The following TMEM156 variants were observed in gnomAD, a reference collection of about 807,000 sequenced individuals.
TMEM156 encodes the protein transmembrane protein 156.
Under a neutral mutation model 30.5 loss-of-function variants are expected in TMEM156, and 28 were observed. The observed-to-expected ratio is 0.92, with a 90% CI of 0.68 to 1.26. The LOEUF (loss-of-function observed/expected upper bound fraction) is 1.26, where lower values mean the gene tolerates loss of function less well. TMEM156 is among the 50% of genes most tolerant of loss of function. TMEM156 has a pLI of 0.00. For missense variants in TMEM156, 351 were observed against 340.6 expected, an observed-to-expected ratio of 1.03 and a Z score of -0.24; for synonymous variants, 137 against 119.9, an observed-to-expected ratio of 1.14 and a Z score of -0.93.
chr4:39,005,708 G>A (rs1264310100), intron 1 of TMEM156, among the ~76,000 whole-genome samples: 2 of 152,160 alleles, frequency 1.3e-5, no homozygotes, highest in African/African-American at 4.8e-5. Context: ...GCATTTTGCT[G>A]TACGTAAATT....
chr4:38,981,517 G>C (rs1711540984), intron 5 of TMEM156, among the ~76,000 whole-genome samples: 1 of 152,148 alleles, frequency 6.6e-6, no homozygotes, highest in African/African-American at 2.4e-5. Context: ...ATGCAAAAGA[G>C]CAGGAAGGCT....
intron 3 of TMEM156, among the ~76,000 whole-genome samples, chr4:38,991,896 A>G (rs1712492474): frequency 6.6e-6 from 1 of 152,032 alleles, no homozygotes; most frequent in Non-Finnish European, 1.5e-5. Flanking sequence ...TCACTCCTCA[A>G]TCAGAGGGAA....
chr4:39,009,365 G>T (rs1047323030), intron 1 of TMEM156, among the ~76,000 whole-genome samples: 2 of 152,042 alleles, frequency 1.3e-5, no homozygotes, highest in African/African-American at 4.8e-5. Flanking sequence ...CCAAAAAATT[G>T]AGGAGAAAGG....
intron 6 of TMEM156, among the ~76,000 whole-genome samples, chr4:38,969,991 G>A (rs1356252495): frequency 1.3e-5 from 2 of 152,190 alleles, no homozygotes; most frequent in Non-Finnish European, 2.9e-5. Context: ...ACTGTTTTCT[G>A]TAGTGGCTAT....
At chr4:38,985,053 G>A (rs955776445) in intron 5 of TMEM156, among the ~76,000 whole-genome samples, 3 of 151,804 alleles carry the variant, frequency 2.0e-5, no homozygotes, top group African/African-American at 7.3e-5. Flanking sequence ...ATTACGACTT[G>A]AAAACAGAAA....
intron 5 of TMEM156, among the ~76,000 whole-genome samples, chr4:38,977,570 T>C (rs1185565591): frequency 6.6e-6 from 1 of 152,220 alleles, no homozygotes; most frequent in Non-Finnish European, 1.5e-5. Context: ...GGAAATTTTT[T>C]CTGGTTCTAC....
intron 3 of TMEM156, among the ~76,000 whole-genome samples, chr4:38,989,496 G>A (rs1240827701): frequency 1.3e-5 from 2 of 152,232 alleles, no homozygotes; most frequent in Non-Finnish European, 2.9e-5. Flanking sequence ...GTAATAGGCG[G>A]TAAGTACAGT....
At chr4:38,983,807 T>C (rs1186328957) in intron 5 of TMEM156, among the ~76,000 whole-genome samples, 2 of 152,256 alleles carry the variant, frequency 1.3e-5, no homozygotes, top group Non-Finnish European at 2.9e-5. Context: ...ATGCCTTCTT[T>C]AATAAAGTGG....
chr4:39,020,826 G>A (rs1409421220), intron 1 of TMEM156, among the ~76,000 whole-genome samples: 1 of 152,094 alleles, frequency 6.6e-6, no homozygotes, highest in Non-Finnish European at 1.5e-5. Context: ...GGGATTTCAG[G>A]TGTGAGCCAC....
At position 38,994,937 on chromosome 4, in the gene TMEM156, CA is replaced by C. The variant is rs1195711338; in HGVS notation, c.359-940del. Reference sequence around the variant, plus strand: ...TGGGTAACAGAAGGAGACTCAGTCTCAAAAAAAAAAAGAAAAGAACAGAAGT... The same window carrying C: ...TGGGTAACAGAAGGAGACTCAGTCTCAAAAAAAAAAGAAAAGAACAGAAGT... On this transcript the variant is annotated intron_variant, in intron 2 of 6. Coordinates refer to ENST00000381938, the MANE Select transcript of TMEM156 (RefSeq NM_024943.3). Among the ~76,000 whole-genome samples, 163 of 137,450 alleles carry C rather than the reference CA, an allele frequency of 1.2e-3. No homozygotes were observed. In the East Asian group the frequency reaches 0.013, roughly 11 times the overall value. The allele number at this position is 137,450 out of a possible 152,430, so 90.2% of individuals were successfully genotyped here. A position where few individuals can be genotyped will look rare whatever the true frequency, so the allele number is the denominator to read the frequency against.
At chr4:38,976,408 C>T (rs113494681) in intron 5 of TMEM156, among the ~76,000 whole-genome samples, 2,536 of 152,088 alleles carry the variant, frequency 0.017, 29 homozygotes, top group East Asian at 0.063. Flanking sequence ...AGTGGACAGC[C>T]GGGAAGATGC....
chr4:39,019,149 G>C (rs1379093108), intron 1 of TMEM156, among the ~76,000 whole-genome samples: 2 of 151,114 alleles, frequency 1.3e-5, no homozygotes, highest in Non-Finnish European at 2.9e-5. Flanking sequence ...CAATGATTCT[G>C]TAAATTTCTT....
chr4:38,981,691 G>T lies in TMEM156; in HGVS notation c.823+4645C>A, dbSNP rs1231747787. Among the ~76,000 whole-genome samples the T allele has an allele frequency of 2.0e-5, 3 of 151,996 alleles. No homozygotes were observed. The East Asian group carries it at 5.8e-4, about 29-fold the overall frequency. On this transcript the variant is annotated intron_variant, in intron 5 of 6. Coordinates refer to ENST00000381938, the MANE Select transcript of TMEM156 (RefSeq NM_024943.3). ...TCCCTTATCTTCAGTTTTCTCATCA[G>T]GAAAAAAAACGGAGTTTTGAAATCA...
chr4:38,998,810 G>A lies in TMEM156; in HGVS notation c.188C>T (p.Pro63Leu). The change falls in exon 2 of 7, where the codon CCA becomes CTA. Residue 63 changes from proline (P) to leucine (L), a missense_variant. Transcript: ENST00000381938. Reference protein sequence around the residue: ...LNFSFVTFLQPVRETQIIMRI... With the variant: ...LNFSFVTFLQLVRETQIIMRI... Reference sequence around the variant, plus strand: ...CATGATAATCTGAGTTTCCCTTACTGGTTGCAGAAAAGTCACAAAAGAAAA... The same window carrying A: ...CATGATAATCTGAGTTTCCCTTACTAGTTGCAGAAAAGTCACAAAAGAAAA... 6.2e-7 allele frequency: 1 copy of A among 1,613,860 alleles called. No individual in the cohort carries two copies. Among genetic ancestry groups the A allele is most frequent in the South Asian group, 1.1e-5 (1 of 91,076 alleles).
chr4:38,993,868 G>T lies in TMEM156; in HGVS notation c.489C>A (p.Asn163Lys), dbSNP rs1384693758. The change falls in exon 3 of 7, where the codon AAC becomes AAA. Residue 163 changes from asparagine (N) to lysine (K), a missense_variant. Coordinates refer to ENST00000381938, the MANE Select transcript of TMEM156 (RefSeq NM_024943.3). ...CCATGATTGTTGATCTTCCAGTGTG[G>T]TTTTTTAGATGACAGGTAGTGTTAT... ...EEYNTTCHLK[N>K]HTGRSTIMED... The T allele has an allele frequency of 6.2e-7, 1 of 1,613,980 alleles. No individual in the cohort carries two copies. Among genetic ancestry groups the T allele is most frequent in the Non-Finnish European group, 8.5e-7 (1 of 1,180,008 alleles).
At chr4:38,996,089 T>C (rs1431891852) in intron 2 of TMEM156, among the ~76,000 whole-genome samples, 1 of 152,128 alleles carries the variant, frequency 6.6e-6, no homozygotes, top group Non-Finnish European at 1.5e-5. Flanking sequence ...GCAAAAAATA[T>C]ATATATCAAA....
chr4:39,031,888 AAATAAAAAAT>A (rs1362193122), intron 1 of TMEM156, among the ~76,000 whole-genome samples: 1 of 67,086 alleles, frequency 1.5e-5, no homozygotes, highest in Non-Finnish European at 2.8e-5. Context: ...CAAAAAAAAA[AAATAAAAAAT>A]AAAAAAATAA....
intron 1 of TMEM156, among the ~76,000 whole-genome samples, chr4:39,031,241 C>G (rs1302444682): frequency 6.6e-6 from 1 of 152,064 alleles, no homozygotes; most frequent in Non-Finnish European, 1.5e-5. Flanking sequence ...CCATTTGAAC[C>G]TCACATTAAT....
At chr4:38,996,045 T>C (rs1165574556) in intron 2 of TMEM156, among the ~76,000 whole-genome samples, 3 of 152,080 alleles carry the variant, frequency 2.0e-5, no homozygotes, top group Non-Finnish European at 4.4e-5. Flanking sequence ...AAGGTTAATA[T>C]CCAAAACACA....
Sources: gnomAD v4.1 joint callset for allele counts (sites outside exome capture counted in the v4.1 genomes callset) on GRCh38, gnomAD v4.1.1 for gene constraint, MANE v1.5 for transcripts, NCBI Gene and HGNC (gene_info 2026-07-23, HGNC 2026-07-21) for gene names.